PROM1: variants seen among roughly 807,000 people sequenced by gnomAD.
PROM1 encodes prominin 1, also known as prominin-1.
PROM1 carries 105 observed loss-of-function variants against 116.9 expected under a neutral mutation model. The ratio of observed to expected loss-of-function variants is 0.90; its 90% confidence interval spans 0.77 to 1.06. PROM1 has a LOEUF of 1.06. Among genes scored for constraint, PROM1 ranks in the 50% least tolerant of loss-of-function variants. The pLI is 0.00. For missense variants in PROM1, 1,122 were observed against 1,045.2 expected (o/e 1.07, Z -1.01); for synonymous variants, 393 against 387.0 (o/e 1.02, Z -0.18).
chr4:16,063,669 C>G (rs538496152), intron 2 of PROM1, among the ~76,000 whole-genome samples: 1 of 152,202 alleles, frequency 6.6e-6, no homozygotes, highest in South Asian at 2.1e-4. Flanking sequence ...TTATGTGTAT[C>G]CTGATTCAAA....
intron 2 of PROM1, among the ~76,000 whole-genome samples, chr4:16,041,874 G>A (rs62290174): frequency 0.42 from 62,553 of 150,594 alleles, 15,039 homozygotes; most frequent in Non-Finnish European, 0.55. Flanking sequence ...CTTAATCGTG[G>A]TTCACTGAAG....
chr4:15,975,179 T>C (rs1715795452), intron 26 of PROM1, among the ~76,000 whole-genome samples: 1 of 152,230 alleles, frequency 6.6e-6, no homozygotes, highest in African/African-American at 2.4e-5. Context: ...TTTGCCTTGT[T>C]ACCTCATTGA....
chr4:15,984,316 C>A lies in PROM1; in HGVS notation c.2320G>T (p.Ala774Ser), dbSNP rs398124216. The A allele has an allele frequency of 6.2e-7, 1 of 1,608,230 alleles. No homozygotes were observed. Among genetic ancestry groups the A allele is most frequent in the Non-Finnish European group, 8.5e-7 (1 of 1,176,856 alleles). Residue 774 changes from alanine to serine, a missense_variant, in exon 23 of 28, where the codon GCT (alanine) becomes TCT (serine). By Grantham distance (99) the Ala-to-Ser change is moderately conservative. Transcript: ENST00000447510. ...AAGACATCAACAGCAGTATCTAGAG[C>A]GGTGGCCACAGGTTTGCACGATGCC... ...KVASCKPVAT[A>S]LDTAVDVFLC...
rs1045085493 is a variant in PROM1, at chr4:16,075,860, T to C, written c.47A>G (p.Asn16Ser). ...GSLLLLGLCG[N>S]SFSGGQPSST... ...TGAAGGCTGCCCTCCTGAAAAGGAGTTCCCGCACAGCCCCAGCAGCAACAG... is the reference window on the plus strand; with the variant it reads ...TGAAGGCTGCCCTCCTGAAAAGGAGCTCCCGCACAGCCCCAGCAGCAACAG... Residue 16 changes from asparagine (N) to serine (S), a missense_variant, in exon 2 of 28, where the codon AAC (asparagine) becomes AGC (serine). Physicochemically the swap from Asn to Ser is conservative, Grantham distance 46. Coordinates refer to ENST00000447510, the MANE Select transcript of PROM1 (RefSeq NM_006017.3). The C allele has an allele frequency of 6.2e-7, 1 of 1,613,356 alleles. No individual in the cohort carries two copies. The highest frequency in any genetic ancestry group is 1.3e-5 in the African/African-American group (1 of 74,852).
rs1733838049 is a variant in PROM1, at chr4:16,035,867, C to T, written c.277-106G>A. 1.1e-5 allele frequency: 11 copies of T among 1,044,544 alleles called. No homozygotes were observed. In the South Asian group the frequency reaches 1.3e-4, roughly 12 times the overall value. The allele number at this position is 1,044,544 out of a possible 1,614,324, so 64.7% of individuals were successfully genotyped here. ...CAACCATAACCAAGAACATTCATAT[C>T]CCACAAGGAGGAAATTGGGTGATAG... On this transcript the variant is annotated intron_variant, in intron 3 of 27. Coordinates refer to ENST00000447510, the MANE Select transcript of PROM1 (RefSeq NM_006017.3).
At chr4:16,033,253 ACT>A in intron 5 of PROM1, 49 bp downstream of exon 5, 4 of 1,456,928 alleles carry the variant, frequency 2.7e-6, no homozygotes, top group Non-Finnish European at 3.7e-6. Context: ...AATGTGAGAC[ACT>A]CTTCATCAGC....
intron 5 of PROM1, among the ~76,000 whole-genome samples, chr4:16,031,366 C>T (rs937485540): frequency 6.6e-6 from 1 of 151,848 alleles, no homozygotes; most frequent in African/African-American, 2.4e-5. Context: ...CACCAGGGAT[C>T]CCTGGTGGGT....
intron 26 of PROM1, among the ~76,000 whole-genome samples, chr4:15,973,761 T>A (rs898939228): frequency 6.6e-6 from 1 of 152,162 alleles, no homozygotes; most frequent in African/African-American, 2.4e-5. Flanking sequence ...AACTTTTCTT[T>A]GCCCACCTGC....
intron 1 of PROM1, among the ~76,000 whole-genome samples, chr4:16,076,993 G>A (rs1356610119): frequency 6.6e-6 from 1 of 152,240 alleles, no homozygotes; most frequent in Non-Finnish European, 1.5e-5. Flanking sequence ...AGGAAAGCCA[G>A]GTATTGTCCA....
At chr4:16,016,269 C>A (rs1560492013) in intron 9 of PROM1, 29 bp from the exon 10 acceptor site, 1 of 1,522,292 alleles carries the variant, frequency 6.6e-7, no homozygotes, top group Admixed American at 2.0e-5. Context: ...AAATATAAGA[C>A]AAGGTTGTTA....
At chr4:16,075,184 T>A (rs1400680630) in intron 2 of PROM1, among the ~76,000 whole-genome samples, 1 of 152,206 alleles carries the variant, frequency 6.6e-6, no homozygotes, top group Non-Finnish European at 1.5e-5. Context: ...CCCAAGCTCT[T>A]AGAAATGAAG....
Position 15,968,896 on chromosome 4 carries a change from A to G in PROM1, c.*497T>C, listed in dbSNP as rs1713694307. 6.6e-6 allele frequency: 1 copy of G among 152,242 alleles called. No homozygotes were observed. Among genetic ancestry groups the G allele is most frequent in the Non-Finnish European group, 1.5e-5 (1 of 68,044 alleles). 9.4% of individuals were successfully genotyped at this position (152,242 alleles called of 1,614,324 possible). On this transcript the variant is annotated 3_prime_UTR_variant, in exon 28 of 28. Transcript: ENST00000447510. ...GTGACTTATTTAGCTCATTTAGAAG[A>G]AAGTCCTATAATACTCATTTGTTTA...
chr4:16,061,870 T>C (rs1400711927), intron 2 of PROM1, among the ~76,000 whole-genome samples: 1 of 150,472 alleles, frequency 6.6e-6, no homozygotes. Context: ...TCCCTGTGTG[T>C]GTGTGTTTAC....
chr4:16,037,942 T>C (rs534308302), intron 3 of PROM1: 1 of 152,322 alleles, frequency 6.6e-6, no homozygotes, highest in Admixed American at 6.5e-5. Context: ...AAGAGAGGCG[T>C]TCAAGGCCCT....
At chr4:16,006,879 C>T (rs1470471916) in intron 12 of PROM1, among the ~76,000 whole-genome samples, 189 bp from the exon 13 acceptor site, 1 of 152,186 alleles carries the variant, frequency 6.6e-6, no homozygotes, top group East Asian at 1.9e-4. Context: ...TCCAATTCAA[C>T]CAGCGGAGAA....
chr4:15,991,219 C>T lies in PROM1; in HGVS notation c.1983+3G>A. On this transcript the variant is annotated splice_donor_region_variant and intron_variant, in intron 18 of 27. Coordinates refer to ENST00000447510, the MANE Select transcript of PROM1 (RefSeq NM_006017.3). The stretch of plus-strand genomic sequence containing the variant: ...AGTATTTAACCGGACGATTTGAACT[C>T]ACCAAACTGTTTGCTTTTGCTTCTA... 1 of 1,606,180 alleles carries T rather than the reference C, an allele frequency of 6.2e-7. No individual in the cohort carries two copies. Among genetic ancestry groups the T allele is most frequent in the Non-Finnish European group, 8.5e-7 (1 of 1,176,306 alleles).
At chr4:15,985,267 G>A (rs1364078067) in intron 22 of PROM1, among the ~76,000 whole-genome samples, 4 of 152,254 alleles carry the variant, frequency 2.6e-5, no homozygotes, top group African/African-American at 7.2e-5. Context: ...TTTTATATAA[G>A]GGACTTGAGC....
Position 15,991,934 on chromosome 4 carries a change from CAAAAAAAAAAAAAAAA to C in PROM1, c.1911+298_1911+313del, listed in dbSNP as rs56221717. ...CTGGTGACAGAGCGAGACTCCGTCT[CAAAAAAAAAAAAAAAA>C]AAAAAAAAAAAGACCACAGATGGGT... On this transcript the variant is annotated intron_variant, in intron 17 of 27. Transcript: ENST00000447510. 2.0e-4 allele frequency among the ~76,000 whole-genome samples: 11 copies of C among 55,338 alleles called. 1 individual carries two copies. The highest frequency in any genetic ancestry group is 2.0e-3 in the South Asian group (2 of 998). 36.3% of individuals were successfully genotyped at this position (55,338 alleles called of 152,430 possible). A position where few individuals can be genotyped will look rare whatever the true frequency, so the allele number is the denominator to read the frequency against.
chr4:16,010,020 A>G (rs1489529550), intron 11 of PROM1, among the ~76,000 whole-genome samples: 1 of 152,004 alleles, frequency 6.6e-6, no homozygotes, highest in Non-Finnish European at 1.5e-5. Flanking sequence ...ACAGAAAAAC[A>G]CAAGTGACTC....
Sources: gnomAD v4.1 joint callset for allele counts (sites outside exome capture counted in the v4.1 genomes callset) on GRCh38, gnomAD v4.1.1 for gene constraint, MANE v1.5 for transcripts, NCBI Gene and HGNC (gene_info 2026-07-23, HGNC 2026-07-21) for gene names.